Variants in FREM1 observed in about 807,000 individuals in gnomAD.
FREM1 encodes the protein FRAS1 related extracellular matrix 1.
A neutral mutation model predicts 210.1 loss-of-function variants in FREM1; 220 were observed. The observed-to-expected ratio is 1.05, with a 90% CI of 0.94 to 1.17. The LOEUF (loss-of-function observed/expected upper bound fraction) is 1.17, where lower values mean the gene tolerates loss of function less well. Ranked by LOEUF, FREM1 falls within the 50% of genes most tolerant of loss-of-function variation. FREM1 has a pLI of 0.00. For missense variants in FREM1, 3,454 were observed against 2,675.5 expected (o/e 1.29, Z -6.42); for synonymous variants, 1,189 against 980.2 (o/e 1.21, Z -3.98).
At chr9:14,885,461 C>T (rs1041627858) in intron 1 of FREM1, among the ~76,000 whole-genome samples, 35 of 152,132 alleles carry the variant, frequency 2.3e-4, no homozygotes, top group African/African-American at 7.7e-4. Flanking sequence ...ACCCTGTCGC[C>T]CAGGCTAGCA....
chr9:14,782,809 C>T (rs938539652), intron 24 of FREM1, among the ~76,000 whole-genome samples: 1 of 152,176 alleles, frequency 6.6e-6, no homozygotes, highest in Non-Finnish European at 1.5e-5. Context: ...CTCATATAAA[C>T]CTCCCGCAAC....
chr9:14,768,837 C>T (rs945889174), intron 27 of FREM1, among the ~76,000 whole-genome samples: 1 of 152,114 alleles, frequency 6.6e-6, no homozygotes, highest in African/African-American at 2.4e-5. Context: ...TATAACAGAG[C>T]ACAGAGCTGT....
At chr9:14,770,978 T>C (rs1847463778) in intron 25 of FREM1, among the ~76,000 whole-genome samples, 172 bp from the exon 26 acceptor site, 1 of 152,146 alleles carries the variant, frequency 6.6e-6, no homozygotes, top group African/African-American at 2.4e-5. Context: ...TCAGCAAATA[T>C]CACAGTGCTT....
Position 14,750,225 on chromosome 9 carries a change from T to C in FREM1, c.5459A>G (p.Glu1820Gly). Residue 1820 changes from glutamate to glycine, a missense_variant, in exon 30 of 37, where the codon GAA (glutamate) becomes GGA (glycine). Coordinates refer to ENST00000380880, the MANE Select transcript of FREM1 (RefSeq NM_001379081.2). Reference protein sequence around the residue: ...NIAITYDGLEEDDEVFEVILN... With the variant: ...NIAITYDGLEGDDEVFEVILN... ...AATTACTTCAAAGACCTCATCATCTTCCTCTAATCCGTCATAGGTAATTGC... is the reference window on the plus strand; with the variant it reads ...AATTACTTCAAAGACCTCATCATCTCCCTCTAATCCGTCATAGGTAATTGC... The C allele has an allele frequency of 6.2e-7, 1 of 1,613,322 alleles. No individual in the cohort carries two copies. Among genetic ancestry groups the C allele is most frequent in the South Asian group, 1.1e-5 (1 of 91,040 alleles).
At position 14,836,586 on chromosome 9, in the gene FREM1, C is replaced by T. The variant is rs571072568; in HGVS notation, c.1881+4861G>A. On this transcript the variant is annotated intron_variant, in intron 10 of 36. Coordinates refer to ENST00000380880, the MANE Select transcript of FREM1 (RefSeq NM_001379081.2). This position sits in a 1 kb window ranked among gnomAD's most constrained non-coding sequence, Gnocchi z 4.9. Reference sequence around the variant, plus strand: ...GTCTTCTTTCTGGAATTGGTTAACCCCTTTATTAAGCCCTCTCTTGCTTAT... The same window carrying T: ...GTCTTCTTTCTGGAATTGGTTAACCTCTTTATTAAGCCCTCTCTTGCTTAT... Among the ~76,000 whole-genome samples, 4 of 152,150 alleles carry T rather than the reference C, an allele frequency of 2.6e-5. No homozygotes were observed. The highest frequency in any genetic ancestry group is 5.9e-5 in the Non-Finnish European group (4 of 68,020).
intron 1 of FREM1, among the ~76,000 whole-genome samples, chr9:14,870,471 T>A (rs1832421285): frequency 6.6e-6 from 1 of 152,166 alleles, no homozygotes; most frequent in African/African-American, 2.4e-5. Flanking sequence ...TGTTTTGTTT[T>A]TTGTTGCTGT....
intron 8 of FREM1, among the ~76,000 whole-genome samples, chr9:14,844,396 T>C (rs925942811): frequency 2.0e-5 from 3 of 152,118 alleles, no homozygotes; most frequent in Non-Finnish European, 2.9e-5. Context: ...GGGCTATTTT[T>C]ATGTTTTTAG....
At chr9:14,874,385 C>T (rs867994959) in intron 1 of FREM1, among the ~76,000 whole-genome samples, 1 of 150,422 alleles carries the variant, frequency 6.6e-6, no homozygotes, top group East Asian at 1.9e-4. Context: ...GGATAGTTAG[C>T]TCTTCTTGTT....
intron 1 of FREM1, among the ~76,000 whole-genome samples, chr9:14,884,358 G>A (rs1403944999): frequency 6.6e-6 from 1 of 152,132 alleles, no homozygotes; most frequent in Non-Finnish European, 1.5e-5. Context: ...TGCTCTCCCT[G>A]ACCATTTTCC....
rs4291361 is a variant in FREM1, at chr9:14,858,305, C to T, written c.632-556G>A. ...ATAATTGTCTCTCCAACAGTCTTCA[C>T]ATCTCTAACCAAATGTATTTCCACT... is the stretch of plus-strand genomic sequence containing the variant. On this transcript the variant is annotated intron_variant, in intron 4 of 36. Coordinates refer to ENST00000380880, the MANE Select transcript of FREM1 (RefSeq NM_001379081.2). Among the ~76,000 whole-genome samples, 1,025 of 152,290 alleles carry T rather than the reference C, an allele frequency of 6.7e-3. 5 individuals are homozygous for T. The highest frequency in any genetic ancestry group is 0.024 in the African/African-American group (986 of 41,554).
At chr9:14,738,040 T>C (rs929621985) in intron 36 of FREM1, among the ~76,000 whole-genome samples, 1 of 152,218 alleles carries the variant, frequency 6.6e-6, no homozygotes, top group African/African-American at 2.4e-5. Flanking sequence ...TTCTTCCTCA[T>C]TATTTAAATG....
intron 13 of FREM1, among the ~76,000 whole-genome samples, chr9:14,821,402 C>T (rs560878066): frequency 6.6e-6 from 1 of 152,306 alleles, no homozygotes; most frequent in African/African-American, 2.4e-5. Context: ...GATCATCATT[C>T]TCCATCAAGA....
intron 1 of FREM1, among the ~76,000 whole-genome samples, chr9:14,888,561 C>G (rs927037355): frequency 1.3e-5 from 2 of 152,180 alleles, no homozygotes; most frequent in African/African-American, 4.8e-5. Flanking sequence ...ACCCTGTCTA[C>G]CAGCATCTTC....
At chr9:14,894,541 G>C (rs150642391) in intron 1 of FREM1, among the ~76,000 whole-genome samples, 1 of 152,204 alleles carries the variant, frequency 6.6e-6, no homozygotes, top group African/African-American at 2.4e-5. Flanking sequence ...AAGCTGAAAT[G>C]TTCACAAATA....
At chr9:14,785,866 C>G (rs1047870072) in intron 23 of FREM1, among the ~76,000 whole-genome samples, 42 of 152,090 alleles carry the variant, frequency 2.8e-4, no homozygotes, top group Non-Finnish European at 3.1e-4. Context: ...ATATATTTAA[C>G]ACTATGAACT....
intron 1 of FREM1, among the ~76,000 whole-genome samples, chr9:14,884,158 G>C (rs1009978342): frequency 6.6e-6 from 1 of 152,174 alleles, no homozygotes; most frequent in African/African-American, 2.4e-5. Context: ...GAACTTGGGA[G>C]GCGGAGGTTG....
At chr9:14,753,572 T>C (rs1843748423) in intron 29 of FREM1, among the ~76,000 whole-genome samples, 1 of 152,240 alleles carries the variant, frequency 6.6e-6, no homozygotes, top group Non-Finnish European at 1.5e-5. Flanking sequence ...AGCTCCCACG[T>C]AAGAGTTCTC....
In FREM1 at chr9:14,775,854, C is replaced by T. The variant is rs1293171999; in HGVS notation, c.4792G>A (p.Gly1598Arg). The T allele has an allele frequency of 3.7e-6, 6 of 1,613,798 alleles. No individual in the cohort carries two copies. The highest frequency in any genetic ancestry group is 1.3e-5 in the African/African-American group (1 of 74,914). Residue 1598 changes from glycine (G) to arginine (R), a missense_variant, in exon 25 of 37, where the codon GGG (glycine) becomes AGG (arginine). Gly to Arg is a moderately radical substitution (Grantham distance 125). Transcript: ENST00000380880. ...TDCFTFMATD[G>R]TNQGFIVNGR... is the part of the protein sequence containing the mutation. ...TTCACAATAAAGCCTTGGTTTGTCC[C>T]ATCTGTGGCCATGAAAGTAAAGCAG...
At chr9:14,803,060 CT>C (rs1357626676) in intron 19 of FREM1, among the ~76,000 whole-genome samples, 18 of 104,412 alleles carry the variant, frequency 1.7e-4, no homozygotes, top group African/African-American at 7.0e-4. Flanking sequence ...CTTTCTTTTT[CT>C]TTTCTTTCTT....
Sources: allele counts gnomAD v4.1 joint callset (sites outside exome capture counted in the v4.1 genomes callset), GRCh38; gene constraint gnomAD v4.1.1; non-coding constraint Gnocchi (gnomAD v3.1); transcripts MANE v1.5; gene names NCBI Gene and HGNC (gene_info 2026-07-23, HGNC 2026-07-21).